Variants in PSTPIP2 observed in about 807,000 individuals in gnomAD.
The protein encoded by PSTPIP2 is proline-serine-threonine phosphatase interacting protein 2, also known as proline-serine-threonine phosphatase-interacting protein 2.
PSTPIP2 carries 33 observed loss-of-function variants against 63.3 expected under a neutral mutation model. The ratio of observed to expected loss-of-function variants is 0.52; its 90% CI spans 0.40 to 0.70. PSTPIP2 has a LOEUF of 0.70. Among genes scored for constraint, PSTPIP2 ranks in the 30% least tolerant of loss-of-function variants. The probability of loss-of-function intolerance (pLI) is 0.00; values close to 1 mark genes in which losing one functional copy is unlikely to be tolerated. For missense variants in PSTPIP2, 312 were observed against 400.7 expected (o/e 0.78, Z 1.89); for synonymous variants, 125 against 132.7 (o/e 0.94, Z 0.40).
In PSTPIP2 at chr18:45,988,705, T is replaced by C. The variant is rs754190972; in HGVS notation, c.*5A>G. 2.6e-6 allele frequency: 4 copies of C among 1,544,414 alleles called. No individual in the cohort carries two copies. The highest frequency in any genetic ancestry group is 2.7e-6 in the Non-Finnish European group (3 of 1,116,876). On this transcript the variant is annotated 3_prime_UTR_variant, in exon 14 of 15. Coordinates refer to ENST00000409746, the MANE Select transcript of PSTPIP2 (RefSeq NM_024430.4). ...TGTGAAAAATAAAGGTTCTTACCAT[T>C]GATTTTACTGATAGAGCAAACTGTA...
At position 46,024,533 on chromosome 18, in the gene PSTPIP2, A is replaced by G. The variant is rs1907506803; in HGVS notation, c.212+76T>C. 4 of 1,284,916 alleles carry G rather than the reference A, an allele frequency of 3.1e-6. No homozygotes were observed. The South Asian group carries it at 4.8e-5, about 16-fold the overall frequency. 79.6% of individuals were successfully genotyped at this position (1,284,916 alleles called of 1,614,324 possible). A position where few individuals can be genotyped will look rare whatever the true frequency, so the allele number is the denominator to read the frequency against. On this transcript the variant is annotated intron_variant, in intron 3 of 14. Coordinates refer to ENST00000409746, the MANE Select transcript of PSTPIP2 (RefSeq NM_024430.4). ...GCCAGCATACTTCAACCTCCTGGTA[A>G]CTCTGTCTGCTGAAGCGAGGGAGCT...
In PSTPIP2 at chr18:45,985,112, G is replaced by A; in HGVS notation, c.*347C>T. Reference sequence around the variant, plus strand: ...AAAGGAGCCACTACTGCAGTTGGTGGCTCAGAATCCTCTGCTGCCACCTCT... The same window carrying A: ...AAAGGAGCCACTACTGCAGTTGGTGACTCAGAATCCTCTGCTGCCACCTCT... On this transcript the variant is annotated 3_prime_UTR_variant, in exon 15 of 15. Coordinates refer to ENST00000409746, the MANE Select transcript of PSTPIP2 (RefSeq NM_024430.4). 1 of 312,564 alleles carries A rather than the reference G, an allele frequency of 3.2e-6. No homozygotes were observed. Among genetic ancestry groups the A allele is most frequent in the Non-Finnish European group, 5.8e-6 (1 of 172,640 alleles). 19.4% of individuals were successfully genotyped at this position (312,564 alleles called of 1,614,324 possible). A position where few individuals can be genotyped will look rare whatever the true frequency, so the allele number is the denominator to read the frequency against.
At chr18:46,020,007 C>A (rs916784621) in intron 3 of PSTPIP2, among the ~76,000 whole-genome samples, 3 of 152,060 alleles carry the variant, frequency 2.0e-5, no homozygotes, top group Non-Finnish European at 4.4e-5. Context: ...ATTGTCTGTC[C>A]CAAGTTTAAA....
rs992545546 is a variant in PSTPIP2 at position 45,985,524 on chromosome 18, T to A, written c.*9-74A>T. ...AATACTCTCTCCTACCTTGAGAGTATATTCAACAAGAATAAGGGTGCAGGC... is the reference window on the plus strand; with the variant it reads ...AATACTCTCTCCTACCTTGAGAGTAAATTCAACAAGAATAAGGGTGCAGGC... On this transcript the variant is annotated intron_variant, in intron 14 of 14. Coordinates refer to ENST00000409746, the MANE Select transcript of PSTPIP2 (RefSeq NM_024430.4). The A allele has an allele frequency of 2.0e-6, 3 of 1,514,668 alleles. No homozygotes were observed. The African/African-American group carries it at 4.2e-5, about 21-fold the overall frequency. The allele number at this position is 1,514,668 out of a possible 1,614,324, so 93.8% of individuals were successfully genotyped here.
At chr18:46,036,035 T>G (rs192992880) in intron 2 of PSTPIP2, among the ~76,000 whole-genome samples, 62 of 151,932 alleles carry the variant, frequency 4.1e-4, no homozygotes, top group African/African-American at 1.4e-3. Context: ...TACAATTTAC[T>G]GATGGAGTGT....
chr18:46,041,139 G>T, intron 1 of PSTPIP2: 1 of 444,860 alleles, frequency 2.2e-6, no homozygotes, highest in Non-Finnish European at 4.5e-6. Flanking sequence ...CAGGAACCAG[G>T]ATTCAGGAGT....
At chr18:46,070,375 C>G (rs1010989515) in intron 1 of PSTPIP2, among the ~76,000 whole-genome samples, 2 of 152,246 alleles carry the variant, frequency 1.3e-5, no homozygotes, top group South Asian at 4.1e-4. Context: ...GCTAAGACCT[C>G]CCCGTATCCA....
At chr18:46,036,533 T>G (rs916726939) in intron 2 of PSTPIP2, among the ~76,000 whole-genome samples, 3 of 152,226 alleles carry the variant, frequency 2.0e-5, no homozygotes, top group African/African-American at 7.2e-5. Flanking sequence ...TATTTTTATA[T>G]GTCTACCCTG....
At chr18:46,032,776 GGAAAAGAAAAAAGAAAAGGAAA>G (rs1907830413) in intron 2 of PSTPIP2, among the ~76,000 whole-genome samples, 1 of 120,308 alleles carries the variant, frequency 8.3e-6, no homozygotes, top group Admixed American at 8.2e-5. Flanking sequence ...AAAAAAAAAA[GGAAAAGAAAAAAGAAAAGGAAA>G]GAAAAGAAAA....
rs553361256 is a variant in PSTPIP2, at chr18:46,016,148, T to C, written c.213-211A>G. 40 of 564,200 alleles carry C rather than the reference T, an allele frequency of 7.1e-5. No individual in the cohort carries two copies. The African/African-American group carries it at 7.5e-4, about 11-fold the overall frequency. 34.9% of individuals were successfully genotyped at this position (564,200 alleles called of 1,614,324 possible). On this transcript the variant is annotated intron_variant, in intron 3 of 14. Transcript: ENST00000409746. ...CACAAGAAATTCTTCACTGTTCATT[T>C]GGGGAGAGCAACATGCCAAAACTCT...
intron 2 of PSTPIP2, among the ~76,000 whole-genome samples, chr18:46,035,035 T>C (rs1357198812): frequency 6.6e-6 from 1 of 152,178 alleles, no homozygotes; most frequent in Non-Finnish European, 1.5e-5. Flanking sequence ...GGAGAGTCCA[T>C]GGGCTTGGGC....
chr18:45,992,521 C>T (rs767129715), intron 10 of PSTPIP2, among the ~76,000 whole-genome samples: 51 of 149,898 alleles, frequency 3.4e-4, no homozygotes, highest in Non-Finnish European at 6.8e-4. Context: ...AAGATCACAC[C>T]ACTGCACTCC....
rs148310724 is a variant in PSTPIP2 at position 46,048,872 on chromosome 18, C to T, written c.34-8825G>A. Reference sequence around the variant, plus strand: ...TAATAGCATTATATTGATGTTATTTCCTGATTTGTCATTGTATTGTGATTG... The same window carrying T: ...TAATAGCATTATATTGATGTTATTTTCTGATTTGTCATTGTATTGTGATTG... On this transcript the variant is annotated intron_variant, in intron 1 of 14. Transcript: ENST00000409746. 4.1e-3 allele frequency among the ~76,000 whole-genome samples: 625 copies of T among 152,150 alleles called. 5 individuals carry two copies. In the Middle Eastern group the frequency reaches 0.048, roughly 12 times the overall value.
At chr18:46,029,529 T>G (rs1907713949) in intron 2 of PSTPIP2, 1 of 819,792 alleles carries the variant, frequency 1.2e-6, no homozygotes, top group African/African-American at 1.7e-5. Flanking sequence ...TTGCTTGTGG[T>G]TCTAATTGTG....
At chr18:46,052,680 A>G (rs1345433335) in intron 1 of PSTPIP2, among the ~76,000 whole-genome samples, 1 of 152,206 alleles carries the variant, frequency 6.6e-6, no homozygotes, top group Non-Finnish European at 1.5e-5. Flanking sequence ...AGAATCCTCC[A>G]AAACAAATTC....
intron 13 of PSTPIP2, among the ~76,000 whole-genome samples, 167 bp from the exon 14 acceptor site, chr18:45,988,926 C>T (rs1248682977): frequency 3.3e-5 from 5 of 152,200 alleles, no homozygotes; most frequent in Non-Finnish European, 7.3e-5. Context: ...CGACTCCAAA[C>T]CAGAGGACAT....
intron 2 of PSTPIP2, among the ~76,000 whole-genome samples, chr18:46,025,619 A>G (rs1907550364): frequency 6.6e-6 from 1 of 151,668 alleles, no homozygotes; most frequent in Non-Finnish European, 1.5e-5. Flanking sequence ...GATCCACCAC[A>G]TTCACAATAT....
intron 8 of PSTPIP2, among the ~76,000 whole-genome samples, chr18:45,998,399 G>A (rs10468859): frequency 0.18 from 27,097 of 152,100 alleles, 2,938 homozygotes; most frequent in East Asian, 0.41. Flanking sequence ...AAGAGCTACC[G>A]GGGCTGAAAT....
intron 1 of PSTPIP2, among the ~76,000 whole-genome samples, chr18:46,045,707 G>A (rs909970687): frequency 2.6e-5 from 4 of 151,612 alleles, no homozygotes; most frequent in Non-Finnish European, 5.9e-5. Context: ...AATTACCAAG[G>A]GCCTAGAATA....
Sources: allele counts gnomAD v4.1 joint callset (sites outside exome capture counted in the v4.1 genomes callset), GRCh38; gene constraint gnomAD v4.1.1; transcripts MANE v1.5; gene names NCBI Gene and HGNC (gene_info 2026-07-23, HGNC 2026-07-21).